LCP2: variants seen among roughly 807,000 people sequenced by gnomAD.
The protein encoded by LCP2 is 76 kDa tyrosine phosphoprotein.
A neutral mutation model predicts 74.5 loss-of-function variants in LCP2; 29 were observed. That is an observed-to-expected ratio of 0.39 (90% CI 0.29 to 0.53). The LOEUF (loss-of-function observed/expected upper bound fraction) is 0.53. LCP2 is among the 20% of genes least tolerant of loss of function. LCP2 has a pLI of 0.72. For missense variants in LCP2, 604 were observed against 634.6 expected (o/e 0.95, Z 0.52); for synonymous variants, 228 against 229.5 (o/e 0.99, Z 0.06).
In LCP2 at chr5:170,257,792, T is replaced by C. The variant is rs1308865647; in HGVS notation, c.1100+245A>G. ...GTTTTCTACCAAAAGGCCCATTCTA[T>C]CTGGAGGGATCAAGGAGGAAGTCAA... On this transcript the variant is annotated intron_variant, in intron 16 of 20. Transcript: ENST00000046794. Among the ~76,000 whole-genome samples the C allele has an allele frequency of 2.0e-5, 3 of 152,150 alleles. No individual in the cohort carries two copies. The East Asian group carries it at 5.8e-4, about 29-fold the overall frequency.
chr5:170,278,098 G>A (rs1762036792), intron 3 of LCP2, among the ~76,000 whole-genome samples: 2 of 150,566 alleles, frequency 1.3e-5, no homozygotes, highest in African/African-American at 4.9e-5. Flanking sequence ...AGCCCCGTTA[G>A]TGTCCTGTGT....
chr5:170,292,754 T>C (rs1358866341), intron 2 of LCP2, among the ~76,000 whole-genome samples: 1 of 152,182 alleles, frequency 6.6e-6, no homozygotes, highest in Non-Finnish European at 1.5e-5. Context: ...TCTCCACCAT[T>C]AGAGCTGCAT....
intron 20 of LCP2, among the ~76,000 whole-genome samples, chr5:170,250,020 CATT>C (rs1213472425): frequency 6.6e-6 from 1 of 152,206 alleles, no homozygotes; most frequent in Non-Finnish European, 1.5e-5. Context: ...TATTCATTAA[CATT>C]ATCATAACAG....
At position 170,275,786 on chromosome 5, in the gene LCP2, C is replaced by T. The variant is rs372734470; in HGVS notation, c.254+9G>A. Reference sequence around the variant, plus strand: ...AAATCTTGCGTTTCCTTACACCAGCCGCACTCACTTGCGTGTGAAGATGCT... The same window carrying T: ...AAATCTTGCGTTTCCTTACACCAGCTGCACTCACTTGCGTGTGAAGATGCT... On this transcript the variant is annotated intron_variant, in intron 4 of 20. Transcript: ENST00000046794. 3.4e-5 allele frequency: 53 copies of T among 1,574,234 alleles called. No homozygotes were observed. Among genetic ancestry groups the T allele is most frequent in the Middle Eastern group, 1.7e-4 (1 of 6,038 alleles).
intron 6 of LCP2, among the ~76,000 whole-genome samples, chr5:170,273,472 G>A (rs1269365015): frequency 6.6e-6 from 1 of 152,050 alleles, no homozygotes; most frequent in Non-Finnish European, 1.5e-5. Flanking sequence ...GGGACAGTTT[G>A]TTTCTGCCTT....
At chr5:170,276,576 C>A (rs1024955339) in intron 3 of LCP2, among the ~76,000 whole-genome samples, 4 of 152,212 alleles carry the variant, frequency 2.6e-5, no homozygotes, top group African/African-American at 9.6e-5. Flanking sequence ...CATGTCAGAA[C>A]TAGCAAATCC....
intron 2 of LCP2, among the ~76,000 whole-genome samples, chr5:170,288,730 G>C (rs315723): frequency 0.074 from 11,338 of 152,224 alleles, 557 homozygotes; most frequent in African/African-American, 0.13. Flanking sequence ...TTCCACTTGT[G>C]GGGGATGAGC....
rs1272444906 is a variant in LCP2, at chr5:170,250,825, T to C, written c.1384A>G (p.Met462Val). The C allele has an allele frequency of 6.2e-7, 1 of 1,612,288 alleles. No homozygotes were observed. Among genetic ancestry groups the C allele is most frequent in the Admixed American group, 1.7e-5 (1 of 60,028 alleles). The stretch of plus-strand genomic sequence containing the variant: ...TAAACTTTATCTTTGTACAACACCA[T>C]GAGGACATATGGATTGGTTGTTGTT... ...KKTTTNPYVL[M>V]VLYKDKVYNI... The change falls in exon 20 of 21, where the codon ATG (methionine) becomes GTG (valine). Residue 462 changes from methionine (M) to valine (V), a missense_variant. By Grantham distance (21) the Met-to-Val change is conservative. Transcript: ENST00000046794.
intron 3 of LCP2, chr5:170,287,640 A>G (rs1762205411): frequency 2.8e-6 from 1 of 359,458 alleles, no homozygotes. Flanking sequence ...TCACTGAGTC[A>G]GTGGTGATGC....
chr5:170,261,163 A>G (rs761550448), intron 13 of LCP2, 26 bp from the exon 14 acceptor site: 6 of 1,571,506 alleles, frequency 3.8e-6, no homozygotes, highest in Non-Finnish European at 5.3e-6. Context: ...GCAAATAAAA[A>G]GAACTGAGCA....
intron 8 of LCP2, among the ~76,000 whole-genome samples, chr5:170,267,497 C>T (rs1192208396): frequency 6.6e-6 from 1 of 152,126 alleles, no homozygotes; most frequent in Non-Finnish European, 1.5e-5. Context: ...TTTGGCATCC[C>T]TACACTTGTT....
At chr5:170,258,283 G>A (rs1365080437) in intron 15 of LCP2, 117 bp from the exon 16 acceptor site, 1 of 1,077,714 alleles carries the variant, frequency 9.3e-7, no homozygotes, top group African/African-American at 1.6e-5. Flanking sequence ...CAAAAATAAA[G>A]CAGATCAGAT....
intron 2 of LCP2, among the ~76,000 whole-genome samples, 182 bp from the exon 3 acceptor site, chr5:170,288,198 C>T (rs150294781): frequency 3.0e-3 from 377 of 124,596 alleles, no homozygotes; most frequent in African/African-American, 0.011. Context: ...GCCTAAAAGC[C>T]TGTGGGCCTG....
chr5:170,275,547 T>A, intron 4 of LCP2, 196 bp from the exon 5 acceptor site: 1 of 660,272 alleles, frequency 1.5e-6, no homozygotes, highest in East Asian at 2.7e-5. Context: ...GCCACATCAG[T>A]GGCATGACTG....
chr5:170,275,796 TG>T lies in LCP2; in HGVS notation c.252del (p.Lys85AsnfsTer151). On this transcript the variant is annotated frameshift_variant and splice_region_variant, in exon 4 of 21. Transcript: ENST00000046794. LOFTEE classifies it high-confidence loss of function. ...TTTCCTTACACCAGCCGCACTCACT[TG>T]CGTGTGAAGATGCTCCTCCTCTCTT... The part of the protein sequence containing the change: ...KNEERRSIFT[R>X]KPQVPRFPEE... 6.3e-7 allele frequency: 1 copy of T among 1,578,268 alleles called. No individual in the cohort carries two copies. The highest frequency in any genetic ancestry group is 8.6e-7 in the Non-Finnish European group (1 of 1,159,558).
chr5:170,292,841 T>G (rs909509277), intron 2 of LCP2, among the ~76,000 whole-genome samples: 2 of 152,202 alleles, frequency 1.3e-5, no homozygotes, highest in Non-Finnish European at 2.9e-5. Flanking sequence ...TGAAGTATAA[T>G]ACAGTGGAGA....
chr5:170,296,489 A>C (rs978167528), intron 1 of LCP2, among the ~76,000 whole-genome samples: 1 of 152,212 alleles, frequency 6.6e-6, no homozygotes, highest in African/African-American at 2.4e-5. Context: ...TTTCCCCAGG[A>C]AAAACACGAA....
At chr5:170,253,918 A>C (rs1391292419) in intron 17 of LCP2, among the ~76,000 whole-genome samples, 1 of 152,162 alleles carries the variant, frequency 6.6e-6, no homozygotes, top group African/African-American at 2.4e-5. Flanking sequence ...AATGTTTCCT[A>C]ATCTCAGGAA....
At chr5:170,296,903 G>T (rs1412945935) in intron 1 of LCP2, among the ~76,000 whole-genome samples, 2 of 152,190 alleles carry the variant, frequency 1.3e-5, no homozygotes, top group East Asian at 3.8e-4. Context: ...CAAGGAGACT[G>T]CCCCAGGCGG....
Sources: gnomAD v4.1 joint callset for allele counts (sites outside exome capture counted in the v4.1 genomes callset) on GRCh38, gnomAD v4.1.1 for gene constraint, MANE v1.5 for transcripts, NCBI Gene and HGNC (gene_info 2026-07-23, HGNC 2026-07-21) for gene names.